The following TRIM13 variants were observed in gnomAD, a reference collection of about 807,000 sequenced individuals.
The protein encoded by TRIM13 is tripartite motif containing 13.
In TRIM13, 15 loss-of-function variants were observed where a neutral mutation model predicts 27.1. The observed-to-expected ratio is 0.55, with a 90% CI of 0.37 to 0.85. The LOEUF (loss-of-function observed/expected upper bound fraction) is 0.85, where lower values mean the gene tolerates loss of function less well. Ranked by LOEUF, TRIM13 falls within the 40% of genes least tolerant of loss-of-function variation. TRIM13 has a pLI of 0.00. For missense variants in TRIM13, 402 were observed against 472.2 expected (o/e 0.85, Z 1.38); for synonymous variants, 193 against 171.5 (o/e 1.13, Z -0.98).
chr13:50,004,020 T>G (rs1412773548), intron 1 of TRIM13, among the ~76,000 whole-genome samples: 1 of 152,266 alleles, frequency 6.6e-6, no homozygotes, highest in East Asian at 1.9e-4. Context: ...TTAAGACTTT[T>G]CTAAGTATTC....
In TRIM13 at chr13:50,011,918, T is replaced by A; in HGVS notation, c.-6-17T>A. The A allele has an allele frequency of 6.4e-7, 1 of 1,568,530 alleles. No homozygotes were observed. ...TGACGGTTATTGGAGTAAAATAATT[T>A]TTTTTTTTTCTGGTAGGATGTGATG... On this transcript the variant is annotated splice_polypyrimidine_tract_variant and intron_variant, in intron 1 of 1. Coordinates refer to ENST00000378182, the MANE Select transcript of TRIM13 (RefSeq NM_213590.3).
At position 50,014,949 on chromosome 13, in the gene TRIM13, C is replaced by CAT. The variant is rs1408270140; in HGVS notation, c.*1786_*1787dup. 1.6e-4 allele frequency: 26 copies of CAT among 165,748 alleles called. 1 individual carries two copies. The Admixed American group carries it at 1.7e-3, about 11-fold the overall frequency. 10.3% of individuals were successfully genotyped at this position (165,748 alleles called of 1,614,324 possible). On this transcript the variant is annotated 3_prime_UTR_variant, in exon 2 of 2. Coordinates refer to ENST00000378182, the MANE Select transcript of TRIM13 (RefSeq NM_213590.3). ...GCTTGCCAGGCTGTCTCATTCCTAA[C>CAT]ATGTAATTCATGATTTAGCCACTAA...
chr13:50,008,185 A>G (rs2138389928), intron 1 of TRIM13, among the ~76,000 whole-genome samples: 1 of 152,248 alleles, frequency 6.6e-6, no homozygotes, highest in East Asian at 1.9e-4. Context: ...GATTACAGGC[A>G]TGAGCCACCC....
Position 50,012,668 on chromosome 13 carries a change from C to T in TRIM13, c.728C>T (p.Ser243Leu). Residue 243 changes from serine to leucine, a missense_variant, in exon 2 of 2, where the codon TCA becomes TTA. Around this residue, in one of 2 missense-constraint regions of TRIM13, gnomAD observed 200 missense variants for 194.7 expected, o/e 1.03. Coordinates refer to ENST00000378182, the MANE Select transcript of TRIM13 (RefSeq NM_213590.3). ...ATTGCTGAGGCTTTCAAAGATGTGT[C>T]AGAACCCATTGTATTTCTGCAACAG... ...FNIAEAFKDV[S>L]EPIVFLQQMQ... The T allele has an allele frequency of 6.2e-7, 1 of 1,614,098 alleles. No homozygotes were observed. The highest frequency in any genetic ancestry group is 8.5e-7 in the Non-Finnish European group (1 of 1,180,006).
At chr13:50,002,218 G>A (rs530657093) in intron 1 of TRIM13, among the ~76,000 whole-genome samples, 42 of 152,170 alleles carry the variant, frequency 2.8e-4, no homozygotes, top group African/African-American at 8.7e-4. Context: ...GCGAAACCCC[G>A]TCTCTATTAA....
intron 1 of TRIM13, chr13:50,000,997 T>A (rs973562848): frequency 2.0e-5 from 3 of 152,204 alleles, no homozygotes; most frequent in Admixed American, 6.6e-5. Flanking sequence ...CCTTCTAGAA[T>A]AACAGCACCT....
At chr13:49,999,545 T>C (rs1317913773) in intron 1 of TRIM13, among the ~76,000 whole-genome samples, 2 of 152,122 alleles carry the variant, frequency 1.3e-5, no homozygotes, top group Non-Finnish European at 2.9e-5. Context: ...TAAAAATCAT[T>C]TTTAAATTTT....
intron 1 of TRIM13, among the ~76,000 whole-genome samples, chr13:50,008,071 A>AT (rs931609098): frequency 1.3e-5 from 2 of 151,472 alleles, no homozygotes; most frequent in Admixed American, 6.6e-5. Context: ...CGCCCAGCTA[A>AT]TTTTTTTGTA....
rs79866027 is a variant in TRIM13 at position 50,000,502 on chromosome 13, C to G, written c.-7+2739C>G. Among the ~76,000 whole-genome samples the G allele has an allele frequency of 4.7e-4, 71 of 152,188 alleles. 1 individual carries two copies. The highest frequency in any genetic ancestry group is 1.5e-3 in the African/African-American group (64 of 41,522). On this transcript the variant is annotated intron_variant, in intron 1 of 1. Transcript: ENST00000378182. ...AAACAACACAGCAACAAGAACAAACCCATAAATGAGCAATAAGAAAGCATA... is the reference window on the plus strand; with the variant it reads ...AAACAACACAGCAACAAGAACAAACGCATAAATGAGCAATAAGAAAGCATA...
Position 50,013,257 on chromosome 13 carries a change from T to C in TRIM13, c.*93T>C, listed in dbSNP as rs1462319820. The C allele has an allele frequency of 2.4e-6, 3 of 1,265,808 alleles. No homozygotes were observed. Among genetic ancestry groups the C allele is most frequent in the African/African-American group, 1.5e-5 (1 of 66,154 alleles). The allele number at this position is 1,265,808 out of a possible 1,614,324, so 78.4% of individuals were successfully genotyped here. On this transcript the variant is annotated 3_prime_UTR_variant, in exon 2 of 2. Transcript: ENST00000378182. ...TTTGGTCAACGATTCTAGTCACATATTTTCCTCCAAAAGTATTCCTTCCAA... is the reference window on the plus strand; with the variant it reads ...TTTGGTCAACGATTCTAGTCACATACTTTCCTCCAAAAGTATTCCTTCCAA...
In TRIM13 at chr13:50,015,942, C is replaced by T. The variant is rs199969189; in HGVS notation, c.*2778C>T. 1.3e-5 allele frequency: 21 copies of T among 1,614,078 alleles called. No homozygotes were observed. In the Middle Eastern group the frequency reaches 8.2e-4, roughly 63 times the overall value. On this transcript the variant is annotated 3_prime_UTR_variant, in exon 2 of 2. Coordinates refer to ENST00000378182, the MANE Select transcript of TRIM13 (RefSeq NM_213590.3). ...GTGTTTACAGAACAACCTTCAGCGC[C>T]GACCTGGAATGGTAACTTTTTCCCT...
chr13:50,010,783 G>A (rs1875531776), intron 1 of TRIM13, among the ~76,000 whole-genome samples: 1 of 151,934 alleles, frequency 6.6e-6, no homozygotes, highest in Non-Finnish European at 1.5e-5. Context: ...AAAATGTCAG[G>A]TAGCTAAGTC....
chr13:50,006,660 G>C (rs1874748929), intron 1 of TRIM13, among the ~76,000 whole-genome samples: 1 of 152,086 alleles, frequency 6.6e-6, no homozygotes, highest in Non-Finnish European at 1.5e-5. Context: ...TTACAGCTGT[G>C]TGGTAATCTC....
chr13:50,017,970 T>A lies in TRIM13; in HGVS notation c.*4806T>A, dbSNP rs1168966771. On this transcript the variant is annotated 3_prime_UTR_variant, in exon 2 of 2. Coordinates refer to ENST00000378182, the MANE Select transcript of TRIM13 (RefSeq NM_213590.3). ...AACCTAGCAGGTTGCTCAGTTATTA[T>A]CTCTCAAGGTCACAGTACTAGAAAT... is the stretch of plus-strand genomic sequence containing the variant. 3 of 167,050 alleles carry A rather than the reference T, an allele frequency of 1.8e-5. No individual in the cohort carries two copies. 10.3% of individuals were successfully genotyped at this position (167,050 alleles called of 1,614,324 possible). A position where few individuals can be genotyped will look rare whatever the true frequency, so the allele number is the denominator to read the frequency against.
At position 50,016,219 on chromosome 13, in the gene TRIM13, C is replaced by A. The variant is rs1378390785; in HGVS notation, c.*3055C>A. ...AACCAGTGGAGTTGGGTAGAATGAC[C>A]AAATAATTATTTTCCAAACTGGGAT... On this transcript the variant is annotated 3_prime_UTR_variant, in exon 2 of 2. Coordinates refer to ENST00000378182, the MANE Select transcript of TRIM13 (RefSeq NM_213590.3). 4.9e-6 allele frequency: 3 copies of A among 613,422 alleles called. No homozygotes were observed. The highest frequency in any genetic ancestry group is 8.6e-6 in the Non-Finnish European group (3 of 347,644). 38.0% of individuals were successfully genotyped at this position (613,422 alleles called of 1,614,324 possible).
chr13:49,998,611 T>C (rs1338301251), intron 1 of TRIM13, among the ~76,000 whole-genome samples: 1 of 152,094 alleles, frequency 6.6e-6, no homozygotes, highest in Non-Finnish European at 1.5e-5. Flanking sequence ...AAATTACTTT[T>C]AGGCAGCTAG....
In TRIM13 at chr13:50,015,571, T is replaced by C. The variant is rs764861264; in HGVS notation, c.*2407T>C. On this transcript the variant is annotated 3_prime_UTR_variant, in exon 2 of 2. Transcript: ENST00000378182. ...CAAGGTTTTCTACGATAAAGCAGTTTCCTGCTTCTCGTTTGGCACGCATGT... is the reference window on the plus strand; with the variant it reads ...CAAGGTTTTCTACGATAAAGCAGTTCCCTGCTTCTCGTTTGGCACGCATGT... 6.8e-6 allele frequency: 11 copies of C among 1,614,094 alleles called. No homozygotes were observed. Among genetic ancestry groups the C allele is most frequent in the Non-Finnish European group, 9.3e-6 (11 of 1,179,950 alleles).
rs1876388661 is a variant in TRIM13, at chr13:50,015,235, AG to A, written c.*2072del. On this transcript the variant is annotated 3_prime_UTR_variant, in exon 2 of 2. Coordinates refer to ENST00000378182, the MANE Select transcript of TRIM13 (RefSeq NM_213590.3). ...GATGTCTATCTTCAGATATATTGGC[AG>A]TTTTCCTTAAGCTATTTAGTTCCTC... 1 of 285,996 alleles carries A rather than the reference AG, an allele frequency of 3.5e-6. No homozygotes were observed. The highest frequency in any genetic ancestry group is 2.3e-5 in the African/African-American group (1 of 44,352). 17.7% of individuals were successfully genotyped at this position (285,996 alleles called of 1,614,324 possible).
chr13:50,013,355 T>C lies in TRIM13; in HGVS notation c.*191T>C. ...AATTTAGTAGTATAGGCCTGAACCTTTTTTTGTTTAAAAGAGTGCTTTTGA... is the reference window on the plus strand; with the variant it reads ...AATTTAGTAGTATAGGCCTGAACCTCTTTTTGTTTAAAAGAGTGCTTTTGA... On this transcript the variant is annotated 3_prime_UTR_variant, in exon 2 of 2. Coordinates refer to ENST00000378182, the MANE Select transcript of TRIM13 (RefSeq NM_213590.3). 2.0e-6 allele frequency: 1 copy of C among 505,038 alleles called. No individual in the cohort carries two copies. The highest frequency in any genetic ancestry group is 3.3e-6 in the Non-Finnish European group (1 of 299,574). The allele number at this position is 505,038 out of a possible 1,614,324, so 31.3% of individuals were successfully genotyped here.
Sources: gnomAD v4.1 joint callset for allele counts (sites outside exome capture counted in the v4.1 genomes callset) on GRCh38, gnomAD v4.1.1 for gene constraint, gnomAD v4.1.1 regional missense constraint, MANE v1.5 for transcripts, NCBI Gene and HGNC (gene_info 2026-07-23, HGNC 2026-07-21) for gene names.